The following TIPARP variants were observed in gnomAD, a reference collection of about 807,000 sequenced individuals.
TIPARP encodes the protein TCDD inducible poly(ADP-ribose) polymerase, also known as protein mono-ADP-ribosyltransferase TIPARP.
In TIPARP, 12 loss-of-function variants were observed where a neutral mutation model predicts 56.5. The ratio of observed to expected loss-of-function variants is 0.21; its 90% CI spans 0.14 to 0.34. The LOEUF (loss-of-function observed/expected upper bound fraction) is 0.34, where lower values mean the gene tolerates loss of function less well. Among genes scored for constraint, TIPARP ranks in the 10% least tolerant of loss-of-function variants. The pLI, the probability that TIPARP is intolerant of heterozygous loss-of-function variation, is 1.00. For missense variants in TIPARP, 604 were observed against 781.6 expected (o/e 0.77, Z 2.71); for synonymous variants, 296 against 265.7 (o/e 1.11, Z -1.11).
rs150980586 is a variant in TIPARP at position 156,677,653 on chromosome 3, G to C, written c.-41-4G>C. The C allele has an allele frequency of 1.3e-6, 2 of 1,492,404 alleles. No homozygotes were observed. The highest frequency in any genetic ancestry group is 1.8e-6 in the Non-Finnish European group (2 of 1,118,154). The allele number at this position is 1,492,404 out of a possible 1,614,324, so 92.4% of individuals were successfully genotyped here. ...AATGATCATCTTCCTTCCTTTCCTC[G>C]TAGGATTTTTAGACTCTGAGGAGCA... On this transcript the variant is annotated splice_region_variant and splice_polypyrimidine_tract_variant and intron_variant, in intron 1 of 5. Transcript: ENST00000295924.
chr3:156,684,148 A>G (rs1722371033), intron 2 of TIPARP, among the ~76,000 whole-genome samples: 1 of 152,236 alleles, frequency 6.6e-6, no homozygotes, highest in Non-Finnish European at 1.5e-5. Flanking sequence ...GCTAGTTCAA[A>G]TTGGACACTG....
intron 2 of TIPARP, among the ~76,000 whole-genome samples, chr3:156,690,333 T>G (rs1039537518): frequency 2.0e-5 from 3 of 152,182 alleles, no homozygotes; most frequent in African/African-American, 7.2e-5. Context: ...ACTAAGATAT[T>G]AGTATACTTA....
rs1354917001 is a variant in TIPARP at position 156,681,119 on chromosome 3, T to C, written c.917+2505T>C. On this transcript the variant is annotated intron_variant, in intron 2 of 5. Coordinates refer to ENST00000295924, the MANE Select transcript of TIPARP (RefSeq NM_015508.5). ...TATTCCAAAGCGATGTTGTGTTTCCTGGCAACAAGATGCAGATAACGGCAT... is the reference window on the plus strand; with the variant it reads ...TATTCCAAAGCGATGTTGTGTTTCCCGGCAACAAGATGCAGATAACGGCAT... 3.9e-5 allele frequency: 18 copies of C among 456,416 alleles called. 1 individual carries two copies. The highest frequency in any genetic ancestry group is 2.6e-4 in the South Asian group (17 of 64,558). 28.3% of individuals were successfully genotyped at this position (456,416 alleles called of 1,614,324 possible). A position where few individuals can be genotyped will look rare whatever the true frequency, so the allele number is the denominator to read the frequency against.
rs180732817 is a variant in TIPARP, at chr3:156,677,649, C to T, written c.-41-8C>T. 1.7e-4 allele frequency: 256 copies of T among 1,489,832 alleles called. 5 individuals are homozygous for T. The East Asian group carries it at 5.3e-3, about 31-fold the overall frequency. 92.3% of individuals were successfully genotyped at this position (1,489,832 alleles called of 1,614,324 possible). The stretch of plus-strand genomic sequence containing the variant: ...TGTAAATGATCATCTTCCTTCCTTT[C>T]CTCGTAGGATTTTTAGACTCTGAGG... On this transcript the variant is annotated splice_region_variant and splice_polypyrimidine_tract_variant and intron_variant, in intron 1 of 5. Coordinates refer to ENST00000295924, the MANE Select transcript of TIPARP (RefSeq NM_015508.5).
intron 1 of TIPARP, among the ~76,000 whole-genome samples, chr3:156,676,309 T>A (rs1379055422): frequency 6.6e-6 from 1 of 152,252 alleles, no homozygotes; most frequent in African/African-American, 2.4e-5. Flanking sequence ...TTTGTACTTA[T>A]CATGTAAATT....
intron 2 of TIPARP, among the ~76,000 whole-genome samples, chr3:156,679,561 C>T (rs1722238880): frequency 6.6e-6 from 1 of 152,008 alleles, no homozygotes; most frequent in Non-Finnish European, 1.5e-5. Flanking sequence ...TGTGTATGAC[C>T]AAGAGTAAGG....
chr3:156,690,201 G>C (rs190676247), intron 2 of TIPARP, among the ~76,000 whole-genome samples: 25 of 152,246 alleles, frequency 1.6e-4, no homozygotes, highest in African/African-American at 5.8e-4. Context: ...TGAGAAAGAA[G>C]TCGTGTTCTT....
chr3:156,694,267 C>A, intron 3 of TIPARP, 79 bp downstream of exon 3: 1 of 1,331,422 alleles, frequency 7.5e-7, no homozygotes, highest in Non-Finnish European at 1.0e-6. Flanking sequence ...TCTTTCTTTA[C>A]AACAATGACT....
At chr3:156,685,401 A>C (rs1559972376) in intron 2 of TIPARP, among the ~76,000 whole-genome samples, 1 of 152,246 alleles carries the variant, frequency 6.6e-6, no homozygotes. Context: ...TAGAGCAACT[A>C]TTCCTTTTCA....
At chr3:156,695,000 A>G (rs1454992602) in intron 3 of TIPARP, among the ~76,000 whole-genome samples, 1 of 152,172 alleles carries the variant, frequency 6.6e-6, no homozygotes. Context: ...AGTAATCACT[A>G]GTATCTACCT....
intron 4 of TIPARP, 81 bp downstream of exon 4, chr3:156,696,106 T>TA (rs1722709623): frequency 4.1e-6 from 6 of 1,479,954 alleles, no homozygotes; most frequent in Middle Eastern, 4.3e-4. Flanking sequence ...AAAAAATAAA[T>TA]AAGAGTCTAC....
At chr3:156,689,249 G>A (rs1244923048) in intron 2 of TIPARP, among the ~76,000 whole-genome samples, 1 of 152,036 alleles carries the variant, frequency 6.6e-6, no homozygotes, top group African/African-American at 2.4e-5. Context: ...CAACCACCCA[G>A]ACCAGAAACA....
intron 4 of TIPARP, among the ~76,000 whole-genome samples, chr3:156,697,670 C>G (rs1307696605): frequency 6.6e-6 from 1 of 152,122 alleles, no homozygotes; most frequent in Non-Finnish European, 1.5e-5. Flanking sequence ...CATTTTGTGT[C>G]TCTGAATCAT....
intron 2 of TIPARP, among the ~76,000 whole-genome samples, chr3:156,686,771 CTAGTAGT>C (rs1481087424): frequency 6.6e-6 from 1 of 152,030 alleles, no homozygotes; most frequent in African/African-American, 2.4e-5. Context: ...ATAACTATAA[CTAGTAGT>C]TATGTGTAAA....
intron 1 of TIPARP, among the ~76,000 whole-genome samples, chr3:156,676,070 TAGAG>T (rs760283418): frequency 2.0e-4 from 31 of 152,350 alleles, no homozygotes; most frequent in African/African-American, 7.5e-4. Context: ...TAGGAGTGGT[TAGAG>T]AGTGTGCGCG....
In TIPARP at chr3:156,703,735, C is replaced by T. The variant is rs746243604; in HGVS notation, c.1526+33C>T. 19 of 1,580,326 alleles carry T rather than the reference C, an allele frequency of 1.2e-5. 1 individual carries two copies. The highest frequency in any genetic ancestry group is 8.1e-5 in the South Asian group (7 of 86,376). ...AGATGTATGAAAAGTTCAAGACGGCCGGGCGCAGTGGCTCAAGCCTGTAAT... is the reference window on the plus strand; with the variant it reads ...AGATGTATGAAAAGTTCAAGACGGCTGGGCGCAGTGGCTCAAGCCTGTAAT... On this transcript the variant is annotated intron_variant, in intron 5 of 5. Transcript: ENST00000295924.
chr3:156,697,204 G>T (rs1322355802), intron 4 of TIPARP, among the ~76,000 whole-genome samples: 1 of 152,166 alleles, frequency 6.6e-6, no homozygotes, highest in African/African-American at 2.4e-5. Context: ...CACAGCTGGA[G>T]ATAGTGTCAG....
intron 2 of TIPARP, 148 bp from the exon 3 acceptor site, chr3:156,693,872 A>G: frequency 1.1e-6 from 1 of 900,696 alleles, no homozygotes; most frequent in Non-Finnish European, 1.6e-6. Context: ...GGCAATAAAT[A>G]TGCTTTTACT....
intron 2 of TIPARP, among the ~76,000 whole-genome samples, chr3:156,681,662 A>T (rs1055320840): frequency 5.3e-5 from 8 of 152,230 alleles, no homozygotes; most frequent in African/African-American, 1.9e-4. Flanking sequence ...TTTAGTCAAG[A>T]TGCTTAGATA....
Sources: allele counts gnomAD v4.1 joint callset (sites outside exome capture counted in the v4.1 genomes callset), GRCh38; gene constraint gnomAD v4.1.1; transcripts MANE v1.5; gene names NCBI Gene and HGNC (gene_info 2026-07-23, HGNC 2026-07-21).